DTWD2: variants seen among roughly 807,000 people sequenced by gnomAD.
DTWD2 encodes the protein tRNA-uridine aminocarboxypropyltransferase 2.
In DTWD2, 39 loss-of-function variants were observed where a neutral mutation model predicts 31.8. The observed-to-expected ratio is 1.22, with a 90% CI of 0.95 to 1.60. The LOEUF (loss-of-function observed/expected upper bound fraction) is 1.60. DTWD2 is among the 40% of genes most tolerant of loss of function. The pLI is 0.00. For missense variants in DTWD2, 515 were observed against 381.5 expected, an observed-to-expected ratio of 1.35 and a Z score of -2.92; for synonymous variants, 180 against 142.8, an observed-to-expected ratio of 1.26 and a Z score of -1.86.
intron 1 of DTWD2, among the ~76,000 whole-genome samples, chr5:118,955,813 G>T (rs1754571612): frequency 6.6e-6 from 1 of 150,482 alleles, no homozygotes; most frequent in Non-Finnish European, 1.5e-5. Flanking sequence ...AAAAAAAAAA[G>T]TTCCTTGCTT....
intron 5 of DTWD2, among the ~76,000 whole-genome samples, chr5:118,846,867 G>A: frequency 7.0e-6 from 1 of 142,848 alleles, no homozygotes; most frequent in African/African-American, 2.5e-5. Flanking sequence ...TTTTTCAAAA[G>A]CAGAGAAAGT....
chr5:118,955,948 G>A (rs956892270), intron 1 of DTWD2, among the ~76,000 whole-genome samples: 2 of 151,634 alleles, frequency 1.3e-5, no homozygotes, highest in African/African-American at 4.8e-5. Flanking sequence ...ATATAGATAT[G>A]AGAAATAAAA....
chr5:118,968,764 G>C (rs571997998), intron 1 of DTWD2, among the ~76,000 whole-genome samples: 1 of 152,226 alleles, frequency 6.6e-6, no homozygotes, highest in African/African-American at 2.4e-5. Context: ...TTCCAGCAAG[G>C]CGGGAAATCC....
At chr5:118,956,443 G>T (rs1039619140) in intron 1 of DTWD2, among the ~76,000 whole-genome samples, 2 of 152,126 alleles carry the variant, frequency 1.3e-5, no homozygotes, top group African/African-American at 4.8e-5. Context: ...AGACTGACTT[G>T]CTTCCTAAAC....
intron 1 of DTWD2, among the ~76,000 whole-genome samples, chr5:118,946,383 G>A (rs979231706): frequency 1.3e-5 from 2 of 152,090 alleles, no homozygotes; most frequent in African/African-American, 4.8e-5. Flanking sequence ...GATGAAACAG[G>A]GTGCAATGAC....
rs200407705 is a variant in DTWD2, at chr5:118,898,658, CA to C, written c.597+29878del. 5.3e-3 allele frequency among the ~76,000 whole-genome samples: 432 copies of C among 82,264 alleles called. 2 individuals are homozygous for C. The highest frequency in any genetic ancestry group is 0.048 in the East Asian group (100 of 2,086). The allele number at this position is 82,264 out of a possible 152,430, so 54.0% of individuals were successfully genotyped here. Reference sequence around the variant, plus strand: ...TGGGCAACAAAGTGAGACTCCATCTCAAAAAAAAAAAAAAAAAATGAGAATG... The same window carrying C: ...TGGGCAACAAAGTGAGACTCCATCTCAAAAAAAAAAAAAAAAATGAGAATG... On this transcript the variant is annotated intron_variant, in intron 4 of 5. Transcript: ENST00000510708.
At chr5:118,944,238 C>G (rs546142055) in intron 2 of DTWD2, among the ~76,000 whole-genome samples, 132 of 152,174 alleles carry the variant, frequency 8.7e-4, no homozygotes, top group African/African-American at 3.1e-3. Flanking sequence ...TAAGCTATGA[C>G]CAAAATTTAA....
chr5:118,946,674 T>A (rs924842183), intron 1 of DTWD2, among the ~76,000 whole-genome samples: 4 of 152,142 alleles, frequency 2.6e-5, no homozygotes, highest in Non-Finnish European at 4.4e-5. Context: ...GAATTTTTTT[T>A]AATAAATCTA....
intron 1 of DTWD2, among the ~76,000 whole-genome samples, chr5:118,946,538 T>C (rs1754342412): frequency 6.6e-6 from 1 of 152,196 alleles, no homozygotes; most frequent in South Asian, 2.1e-4. Context: ...ATTCAAAGAA[T>C]AAATACATCA....
chr5:118,892,912 T>A (rs1753004716), intron 4 of DTWD2, among the ~76,000 whole-genome samples: 1 of 152,156 alleles, frequency 6.6e-6, no homozygotes, highest in Non-Finnish European at 1.5e-5. Flanking sequence ...TGAATAACTG[T>A]AGTTTATCCA....
intron 4 of DTWD2, among the ~76,000 whole-genome samples, chr5:118,909,797 G>C (rs1343854786): frequency 6.6e-6 from 1 of 152,182 alleles, no homozygotes; most frequent in South Asian, 2.1e-4. Flanking sequence ...GAAATGACGA[G>C]ACACTGTGCC....
At chr5:118,878,433 T>C (rs369653466) in intron 4 of DTWD2, among the ~76,000 whole-genome samples, 2 of 152,290 alleles carry the variant, frequency 1.3e-5, no homozygotes, top group South Asian at 2.1e-4. Context: ...ATTCAATAAA[T>C]GGTGCTAGGA....
At chr5:118,882,621 C>T (rs1168409126) in intron 4 of DTWD2, among the ~76,000 whole-genome samples, 1 of 152,228 alleles carries the variant, frequency 6.6e-6, no homozygotes, top group African/African-American at 2.4e-5. Context: ...TCCCATAACT[C>T]AACTCTTGAC....
chr5:118,931,816 A>G (rs1448245403), intron 3 of DTWD2, among the ~76,000 whole-genome samples: 1 of 152,222 alleles, frequency 6.6e-6, no homozygotes, highest in East Asian at 1.9e-4. Context: ...AACACTCACC[A>G]AAACAGACCA....
intron 1 of DTWD2, among the ~76,000 whole-genome samples, chr5:118,945,154 C>T (rs992755888): frequency 7.9e-5 from 12 of 152,276 alleles, no homozygotes; most frequent in African/African-American, 2.2e-4. Flanking sequence ...CTCAAATAGA[C>T]GCCACCAAAT....
intron 5 of DTWD2, 85 bp downstream of exon 5, chr5:118,848,005 C>T: frequency 2.2e-6 from 3 of 1,364,300 alleles, no homozygotes; most frequent in East Asian, 2.6e-5. Flanking sequence ...ACATGAGTTA[C>T]AAATTTAACA....
Position 118,912,811 on chromosome 5 carries a change from T to C in DTWD2, c.597+15726A>G, listed in dbSNP as rs756059566. Among the ~76,000 whole-genome samples the C allele has an allele frequency of 6.4e-4, 98 of 152,344 alleles. 1 individual carries two copies. Among genetic ancestry groups the C allele is most frequent in the Non-Finnish European group, 1.3e-4 (9 of 68,034 alleles). ...AACAGTAGAATTCACCAGTAACTTATAGCATTAAAGGAACGTAGCTGAACT... is the reference window on the plus strand; with the variant it reads ...AACAGTAGAATTCACCAGTAACTTACAGCATTAAAGGAACGTAGCTGAACT... On this transcript the variant is annotated intron_variant, in intron 4 of 5. Transcript: ENST00000510708.
intron 4 of DTWD2, among the ~76,000 whole-genome samples, chr5:118,857,126 C>T (rs1752155116): frequency 6.6e-6 from 1 of 151,892 alleles, no homozygotes; most frequent in African/African-American, 2.4e-5. Flanking sequence ...TAGATGCACA[C>T]GTACACTTCC....
chr5:118,892,384 A>C (rs1357311862), intron 4 of DTWD2, among the ~76,000 whole-genome samples: 1 of 152,140 alleles, frequency 6.6e-6, no homozygotes, highest in Non-Finnish European at 1.5e-5. Flanking sequence ...AATTTAACTC[A>C]GAAGCAAAAG....
Sources: gnomAD v4.1 joint callset for allele counts (sites outside exome capture counted in the v4.1 genomes callset) on GRCh38, gnomAD v4.1.1 for gene constraint, MANE v1.5 for transcripts, NCBI Gene and HGNC (gene_info 2026-07-23, HGNC 2026-07-21) for gene names.